The following CACNA1C variants were observed in gnomAD, a reference collection of about 807,000 sequenced individuals.
The protein encoded by CACNA1C is voltage-dependent L-type calcium channel subunit alpha-1C.
In CACNA1C, 30 loss-of-function variants were observed where a neutral mutation model predicts 229.0. The observed-to-expected ratio is 0.13, with a 90% confidence interval of 0.10 to 0.18. The LOEUF (loss-of-function observed/expected upper bound fraction) is 0.18. CACNA1C is among the 10% of genes least tolerant of loss of function. The pLI, the probability that CACNA1C is intolerant of heterozygous loss-of-function variation, is 1.00. For synonymous variants in CACNA1C, 1,114 were observed against 1,132.5 expected (o/e 0.98, Z 0.33); for missense variants, 1,658 against 2,845.0 (o/e 0.58, Z 9.49).
At chr12:2,246,912 C>T (rs2154380658) in intron 3 of CACNA1C, among the ~76,000 whole-genome samples, 1 of 152,308 alleles carries the variant, frequency 6.6e-6, no homozygotes, top group African/African-American at 2.4e-5. Flanking sequence ...GGCTGCATCC[C>T]TGTCTCCCCA....
In CACNA1C at chr12:2,159,382, C is replaced by T. The variant is rs1023769254; in HGVS notation, c.477+38952C>T. ...TGGTAACGTGTGCCTGTGGTCCCAG[C>T]TACTCAGGAGGCTGAGGTGGGAGGA... On this transcript the variant is annotated intron_variant, in intron 3 of 46. Coordinates refer to ENST00000399655, the MANE Select transcript of CACNA1C (RefSeq NM_000719.7). 2.6e-5 allele frequency among the ~76,000 whole-genome samples: 4 copies of T among 152,004 alleles called. No individual in the cohort carries two copies. The East Asian group carries it at 7.7e-4, about 29-fold the overall frequency.
intron 1 of CACNA1C, among the ~76,000 whole-genome samples, chr12:2,110,424 C>G (rs1241508780): frequency 1.3e-5 from 2 of 152,184 alleles, no homozygotes; most frequent in African/African-American, 4.8e-5. Context: ...TGGGAGCATC[C>G]GTGGAAACAG....
At chr12:2,255,575 C>T (rs185052620) in intron 3 of CACNA1C, among the ~76,000 whole-genome samples, 2 of 152,318 alleles carry the variant, frequency 1.3e-5, no homozygotes, top group East Asian at 3.9e-4. Flanking sequence ...CTGAGGCAGC[C>T]AGAAGGGGCA....
chr12:2,372,838 C>G (rs1003382047), intron 3 of CACNA1C, among the ~76,000 whole-genome samples: 5 of 152,244 alleles, frequency 3.3e-5, no homozygotes, highest in African/African-American at 1.2e-4. Flanking sequence ...CGGGGACATG[C>G]CAGTAGTGCA....
intron 5 of CACNA1C, among the ~76,000 whole-genome samples, chr12:2,462,311 A>C (rs1014247504): frequency 5.7e-5 from 7 of 123,878 alleles, no homozygotes; most frequent in Non-Finnish European, 1.0e-4. Context: ...GCTCTCATAC[A>C]GGCCTGCGCA....
chr12:2,356,595 G>A (rs2097369973), intron 3 of CACNA1C, among the ~76,000 whole-genome samples: 1 of 152,268 alleles, frequency 6.6e-6, no homozygotes, highest in Non-Finnish European at 1.5e-5. Context: ...CACTGTTTGT[G>A]TGAGCACTCT....
chr12:2,195,598 A>G (rs2097375199), intron 3 of CACNA1C, among the ~76,000 whole-genome samples: 1 of 152,242 alleles, frequency 6.6e-6, no homozygotes, highest in Admixed American at 6.5e-5. Flanking sequence ...AATGGGGGTT[A>G]GGAAACCACT....
intron 13 of CACNA1C, among the ~76,000 whole-genome samples, chr12:2,572,071 G>A (rs1421593292): frequency 7.6e-6 from 1 of 131,178 alleles, no homozygotes; most frequent in Non-Finnish European, 1.6e-5. Context: ...AATGTAGTCT[G>A]AACCAGTAAT....
rs1042456583 is a variant in CACNA1C, at chr12:2,053,891, A to G, written c.49+280A>G. Among the ~76,000 whole-genome samples, 1 of 148,142 alleles carries G rather than the reference A, an allele frequency of 6.8e-6. No homozygotes were observed. The highest frequency in any genetic ancestry group is 2.5e-5 in the African/African-American group (1 of 40,482). On this transcript the variant is annotated intron_variant, in intron 1 of 46. Coordinates refer to ENST00000399655, the MANE Select transcript of CACNA1C (RefSeq NM_000719.7). The surrounding 1 kb of genome is among the most constrained non-coding windows in gnomAD (Gnocchi z 5.8). Reference sequence around the variant, plus strand: ...GTGAAATTCCAGGCGAGGGGGGAAAAGTTCCCCAAGTGGCTGCCGCCGCCT... The same window carrying G: ...GTGAAATTCCAGGCGAGGGGGGAAAGGTTCCCCAAGTGGCTGCCGCCGCCT...
intron 5 of CACNA1C, among the ~76,000 whole-genome samples, chr12:2,460,436 G>A (rs1205677308): frequency 6.6e-6 from 1 of 152,224 alleles, no homozygotes; most frequent in Non-Finnish European, 1.5e-5. Flanking sequence ...TACAGTAATT[G>A]CTCTAGTACA....
chr12:2,332,039 A>G (rs565724152), intron 3 of CACNA1C, among the ~76,000 whole-genome samples: 3 of 152,328 alleles, frequency 2.0e-5, no homozygotes, highest in African/African-American at 7.2e-5. Context: ...TACTGTGTCC[A>G]TGTTAAATTT....
chr12:2,325,692 CA>C (rs1213469697), intron 3 of CACNA1C, among the ~76,000 whole-genome samples: 3 of 152,228 alleles, frequency 2.0e-5, no homozygotes, highest in African/African-American at 7.2e-5. Context: ...CCTTTGAGGG[CA>C]AACAGGTTTT....
intron 3 of CACNA1C, among the ~76,000 whole-genome samples, chr12:2,229,181 A>C (rs1419027328): frequency 1.3e-5 from 2 of 152,160 alleles, no homozygotes; most frequent in African/African-American, 4.8e-5. Flanking sequence ...CAAGTTCCTT[A>C]AACTCCAAGC....
At chr12:2,000,689 A>C (rs1275772055) in intron 1 of CACNA1C, among the ~76,000 whole-genome samples, 1 of 152,178 alleles carries the variant, frequency 6.6e-6, no homozygotes, top group African/African-American at 2.4e-5. Context: ...GGTTCTTGCC[A>C]GATCATGCTG....
intron 13 of CACNA1C, among the ~76,000 whole-genome samples, chr12:2,574,222 C>T (rs1418242152): frequency 6.6e-6 from 1 of 152,156 alleles, no homozygotes; most frequent in African/African-American, 2.4e-5. Flanking sequence ...TGAGTAAATG[C>T]CCCAGTACGG....
intron 3 of CACNA1C, among the ~76,000 whole-genome samples, chr12:2,236,561 G>A (rs1288187869): frequency 1.3e-5 from 2 of 152,076 alleles, no homozygotes; most frequent in Non-Finnish European, 2.9e-5. Context: ...TCTTTGCCAA[G>A]GGTCTTTCCT....
chr12:2,396,332 A>C (rs2154549796), intron 3 of CACNA1C, among the ~76,000 whole-genome samples: 1 of 152,280 alleles, frequency 6.6e-6, no homozygotes, highest in East Asian at 1.9e-4. Context: ...CTCTGCATGC[A>C]ACACTAGCAA....
At chr12:2,376,056 G>C (rs2098051141) in intron 3 of CACNA1C, among the ~76,000 whole-genome samples, 1 of 152,252 alleles carries the variant, frequency 6.6e-6, no homozygotes, top group East Asian at 1.9e-4. Flanking sequence ...CTGGTGCCCA[G>C]CACAGGGCCT....
chr12:2,015,195 C>T lies in CACNA1C; in HGVS notation c.139+43994C>T, dbSNP rs537948733. Among the ~76,000 whole-genome samples the T allele has an allele frequency of 3.0e-4, 45 of 152,224 alleles. 1 individual carries two copies. The highest frequency in any genetic ancestry group is 2.1e-3 in the East Asian group (11 of 5,172). ...TACTCTCTCTCCCTTTACCTGGTGC[C>T]GAAAGACCATCCTCAATTAGGGCTG... is the stretch of plus-strand genomic sequence containing the variant. On this transcript the variant is annotated intron_variant, in intron 1 of 46. Coordinates refer to the CACNA1C transcript ENST00000682462.
Sources: allele counts gnomAD v4.1 joint callset (sites outside exome capture counted in the v4.1 genomes callset), GRCh38; gene constraint gnomAD v4.1.1; non-coding constraint Gnocchi (gnomAD v3.1); transcripts MANE v1.5; gene names NCBI Gene and HGNC (gene_info 2026-07-23, HGNC 2026-07-21).